The following ALK variants were observed in gnomAD, a reference collection of about 807,000 sequenced individuals.
The protein encoded by ALK is ALK tyrosine kinase receptor.
In ALK, 74 loss-of-function variants were observed where a neutral mutation model predicts 163.1. That is an observed-to-expected ratio of 0.45 (90% CI 0.38 to 0.55). The LOEUF is 0.55. Among genes scored for constraint, ALK ranks in the 20% least tolerant of loss-of-function variants. The pLI is 0.00. For missense variants in ALK, 2,063 were observed against 2,105.3 expected (o/e 0.98, Z 0.39); for synonymous variants, 960 against 843.2 (o/e 1.14, Z -2.40).
chr2:29,197,788 C>T (rs1448280857), intron 26 of ALK, 112 bp from the exon 27 acceptor site: 2 of 926,766 alleles, frequency 2.2e-6, no homozygotes, highest in Non-Finnish European at 1.8e-6. Context: ...CCCATTATAC[C>T]CTTTTCCATA....
intron 1 of ALK, among the ~76,000 whole-genome samples, chr2:29,816,320 T>C (rs906680336): frequency 3.9e-5 from 6 of 152,144 alleles, no homozygotes; most frequent in Non-Finnish European, 8.8e-5. Context: ...TGTTTCCTTC[T>C]CTCTAGAGGA....
chr2:29,676,498 A>G (rs1677877142), intron 3 of ALK, among the ~76,000 whole-genome samples: 1 of 151,946 alleles, frequency 6.6e-6, no homozygotes, highest in African/African-American at 2.4e-5. Context: ...ATGGACTCTC[A>G]TTTCTGTTCC....
Position 29,681,772 on chromosome 2 carries a change from CT to C in ALK, c.952+13077del, listed in dbSNP as rs562710422. On this transcript the variant is annotated intron_variant, in intron 3 of 28. Coordinates refer to ENST00000389048, the MANE Select transcript of ALK (RefSeq NM_004304.5). ...GCATGTACATTACCCCCTTCCCCCC[CT>C]CAACCTCATCTTTATTTCACTCCAT... 1.3e-4 allele frequency among the ~76,000 whole-genome samples: 19 copies of C among 151,408 alleles called. 1 individual carries two copies. In the South Asian group the frequency reaches 2.7e-3, roughly 22 times the overall value.
intron 3 of ALK, among the ~76,000 whole-genome samples, chr2:29,669,281 T>C (rs913334468): frequency 2.0e-5 from 3 of 152,138 alleles, no homozygotes; most frequent in African/African-American, 7.2e-5. Context: ...GGAGCTCTGA[T>C]ATTAGGTACA....
chr2:29,871,599 A>G (rs984532745), intron 1 of ALK, among the ~76,000 whole-genome samples: 8 of 152,204 alleles, frequency 5.3e-5, no homozygotes, highest in Non-Finnish European at 1.2e-4. Flanking sequence ...AATGGCTCTA[A>G]TTCTACTCCT....
intron 26 of ALK, among the ~76,000 whole-genome samples, chr2:29,202,663 C>CT (rs1669211963): frequency 1.3e-5 from 2 of 152,168 alleles, no homozygotes; most frequent in Admixed American, 6.5e-5. Context: ...TTGTAATTTG[C>CT]TTTTTCCCCA....
At chr2:29,217,083 A>C (rs1324087386) in intron 23 of ALK, among the ~76,000 whole-genome samples, 2 of 98,602 alleles carry the variant, frequency 2.0e-5, no homozygotes, top group East Asian at 5.9e-4. Context: ...AGTGTATGTA[A>C]GTGGTATATG....
intron 4 of ALK, among the ~76,000 whole-genome samples, chr2:29,493,508 T>G (rs1671953009): frequency 6.6e-6 from 1 of 152,220 alleles, no homozygotes; most frequent in Non-Finnish European, 1.5e-5. Context: ...ACTGAGAGGT[T>G]GACTAGGATG....
chr2:29,379,110 T>C (rs553147501), intron 5 of ALK, among the ~76,000 whole-genome samples: 2 of 152,120 alleles, frequency 1.3e-5, no homozygotes, highest in Non-Finnish European at 2.9e-5. Context: ...TCCCGGTGAG[T>C]GTCCTGCGTG....
At chr2:29,764,428 C>T (rs1280445642) in intron 1 of ALK, among the ~76,000 whole-genome samples, 2 of 152,214 alleles carry the variant, frequency 1.3e-5, no homozygotes, top group Non-Finnish European at 2.9e-5. Flanking sequence ...GGAGTATTTA[C>T]ACCACAAATA....
At chr2:29,356,466 A>G (rs1192830060) in intron 5 of ALK, among the ~76,000 whole-genome samples, 1 of 79,530 alleles carries the variant, frequency 1.3e-5, no homozygotes, top group Non-Finnish European at 2.5e-5. Context: ...TAATTTGGAA[A>G]AAAAAAAGTC....
chr2:29,647,970 A>C (rs770489028), intron 3 of ALK, among the ~76,000 whole-genome samples: 14 of 152,118 alleles, frequency 9.2e-5, no homozygotes, highest in Non-Finnish European at 1.8e-4. Flanking sequence ...ATATGTAGGG[A>C]TTTGGATGAC....
chr2:29,702,150 T>G (rs1456276161), intron 2 of ALK, among the ~76,000 whole-genome samples: 1 of 152,118 alleles, frequency 6.6e-6, no homozygotes, highest in Non-Finnish European at 1.5e-5. Flanking sequence ...GTCATGGTCA[T>G]GTGCCATCAA....
At chr2:29,890,849 G>A (rs572695565) in intron 1 of ALK, 45 of 152,166 alleles carry the variant, frequency 3.0e-4, no homozygotes, top group African/African-American at 9.4e-4. Flanking sequence ...CTCAAGTCTT[G>A]GAAGGAAGCC....
intron 1 of ALK, among the ~76,000 whole-genome samples, chr2:29,758,636 C>T (rs1430801534): frequency 6.6e-6 from 1 of 152,178 alleles, no homozygotes; most frequent in African/African-American, 2.4e-5. Context: ...TCGGCTCCCT[C>T]CTCCCTCCCC....
intron 26 of ALK, among the ~76,000 whole-genome samples, chr2:29,205,231 TTA>T (rs927749752): frequency 2.6e-5 from 4 of 152,250 alleles, no homozygotes; most frequent in Admixed American, 2.0e-4. Flanking sequence ...AAGTTCCTTT[TTA>T]TATGTGTGTT....
intron 4 of ALK, among the ~76,000 whole-genome samples, chr2:29,387,896 G>A (rs1669070587): frequency 6.6e-6 from 1 of 152,156 alleles, no homozygotes; most frequent in African/African-American, 2.4e-5. Flanking sequence ...GCAAGCACAA[G>A]AGGCAATGCA....
chr2:29,601,996 G>A (rs1675392117), intron 3 of ALK, among the ~76,000 whole-genome samples: 1 of 152,178 alleles, frequency 6.6e-6, no homozygotes, highest in African/African-American at 2.4e-5. Context: ...TGTCCTGAGG[G>A]TGTGAGTGCC....
chr2:29,877,409 G>C (rs562751967), intron 1 of ALK, among the ~76,000 whole-genome samples: 2 of 152,154 alleles, frequency 1.3e-5, no homozygotes, highest in South Asian at 4.1e-4. Context: ...CCCTTCCCAG[G>C]CTTCATTTTC....
Sources: allele counts gnomAD v4.1 joint callset (sites outside exome capture counted in the v4.1 genomes callset), GRCh38; gene constraint gnomAD v4.1.1; transcripts MANE v1.5; gene names NCBI Gene and HGNC (gene_info 2026-07-23, HGNC 2026-07-21).